Variants in CACNA1C observed in about 807,000 individuals in gnomAD.
CACNA1C encodes voltage-dependent L-type calcium channel subunit alpha-1C.
CACNA1C carries 30 observed loss-of-function variants against 229.0 expected under a neutral mutation model. That is an observed-to-expected ratio of 0.13 (90% CI 0.10 to 0.18). The LOEUF is 0.18. Ranked by LOEUF, CACNA1C falls within the 10% of genes least tolerant of loss-of-function variation. The probability of loss-of-function intolerance (pLI) is 1.00; values close to 1 mark genes in which losing one functional copy is unlikely to be tolerated. For synonymous variants in CACNA1C, 1,114 were observed against 1,132.5 expected (o/e 0.98, Z 0.33); for missense variants, 1,658 against 2,845.0 (o/e 0.58, Z 9.49).
intron 3 of CACNA1C, among the ~76,000 whole-genome samples, chr12:2,130,098 A>G (rs776653223): frequency 6.6e-6 from 1 of 151,862 alleles, no homozygotes; most frequent in Non-Finnish European, 1.5e-5. Context: ...ACTAATAATA[A>G]TAGCAGCAAT....
Position 2,355,893 on chromosome 12 carries a change from C to T in CACNA1C, c.478-93083C>T, listed in dbSNP as rs1188843877. ...CAGCAGTGCTGAGCTGAGAGATCTACAAGCCTCCGTGTCTGTTCAGCTCCT... is the reference window on the plus strand; with the variant it reads ...CAGCAGTGCTGAGCTGAGAGATCTATAAGCCTCCGTGTCTGTTCAGCTCCT... On this transcript the variant is annotated intron_variant, in intron 3 of 46. Coordinates refer to ENST00000399655, the MANE Select transcript of CACNA1C (RefSeq NM_000719.7). 2.0e-5 allele frequency among the ~76,000 whole-genome samples: 3 copies of T among 152,282 alleles called. No homozygotes were observed. The East Asian group carries it at 5.8e-4, about 29-fold the overall frequency.
chr12:2,659,226 A>G (rs1042769859), intron 34 of CACNA1C, among the ~76,000 whole-genome samples: 4 of 151,990 alleles, frequency 2.6e-5, no homozygotes, highest in Admixed American at 2.0e-4. Context: ...CTACAGGTGC[A>G]CCGTATTTAA....
chr12:2,063,070 C>A (rs1304128394), intron 1 of CACNA1C, among the ~76,000 whole-genome samples: 2 of 152,104 alleles, frequency 1.3e-5, no homozygotes, highest in African/African-American at 4.8e-5. Flanking sequence ...CTTTTCATTC[C>A]CCTCTCTCTC....
In CACNA1C at chr12:2,093,985, C is replaced by T. The variant is rs574586912; in HGVS notation, c.50-21239C>T. ...ATCCCATTTTCCCCAGTAACCTCCGCATGTGTGAAAACTGGGCAGCTGTCA... is the reference window on the plus strand; with the variant it reads ...ATCCCATTTTCCCCAGTAACCTCCGTATGTGTGAAAACTGGGCAGCTGTCA... On this transcript the variant is annotated intron_variant, in intron 1 of 46. Transcript: ENST00000399655. 2.6e-5 allele frequency among the ~76,000 whole-genome samples: 4 copies of T among 152,352 alleles called. No homozygotes were observed. The South Asian group carries it at 8.3e-4, about 32-fold the overall frequency.
At chr12:2,076,933 C>G (rs1025412105) in intron 1 of CACNA1C, among the ~76,000 whole-genome samples, 4 of 152,214 alleles carry the variant, frequency 2.6e-5, no homozygotes, top group African/African-American at 7.2e-5. Context: ...CCAGCCACCC[C>G]TGGAATCCAG....
intron 2 of CACNA1C, among the ~76,000 whole-genome samples, chr12:2,118,604 A>C (rs2085086925): frequency 6.6e-6 from 1 of 152,212 alleles, no homozygotes; most frequent in Non-Finnish European, 1.5e-5. Flanking sequence ...ACAAGCGTAC[A>C]TTCCACACAG....
chr12:2,166,793 T>G (rs772448079), intron 3 of CACNA1C, among the ~76,000 whole-genome samples: 1 of 152,196 alleles, frequency 6.6e-6, no homozygotes, highest in East Asian at 1.9e-4. Context: ...TTGGAACTGA[T>G]GCTAAGAAGG....
At position 2,653,168 on chromosome 12, in the gene CACNA1C, C is replaced by A. The variant is rs1412739168; in HGVS notation, c.4075-667C>A. 6.6e-6 allele frequency among the ~76,000 whole-genome samples: 1 copy of A among 152,232 alleles called. No homozygotes were observed. Among genetic ancestry groups the A allele is most frequent in the African/African-American group, 2.4e-5 (1 of 41,464 alleles). On this transcript the variant is annotated intron_variant, in intron 32 of 46. Transcript: ENST00000399655. The surrounding 1 kb of genome is among the most constrained non-coding windows in gnomAD (Gnocchi z 4.7). ...ATGGAGCGAATAGAGCGTATGGAAC[C>A]CAGCTCTGCAAGGCATTGCACTAAG...
At chr12:2,198,379 G>A (rs945830722) in intron 3 of CACNA1C, among the ~76,000 whole-genome samples, 9 of 152,142 alleles carry the variant, frequency 5.9e-5, no homozygotes, top group East Asian at 1.9e-4. Context: ...CTGTGGAACC[G>A]GAGGCCTCCC....
Position 2,256,815 on chromosome 12 carries a change from T to C in CACNA1C, c.477+136385T>C, listed in dbSNP as rs115474787. Reference sequence around the variant, plus strand: ...GGTGTAGTATAGGAATCTGTTTGATTAAAACACTCCACAGGTGATTCTGAT... The same window carrying C: ...GGTGTAGTATAGGAATCTGTTTGATCAAAACACTCCACAGGTGATTCTGAT... On this transcript the variant is annotated intron_variant, in intron 3 of 46. Coordinates refer to ENST00000399655, the MANE Select transcript of CACNA1C (RefSeq NM_000719.7). Among the ~76,000 whole-genome samples, 1,483 of 152,284 alleles carry C rather than the reference T, an allele frequency of 9.7e-3. 23 individuals carry two copies. The highest frequency in any genetic ancestry group is 0.034 in the African/African-American group (1,424 of 41,540).
chr12:2,045,025 A>C (rs925344250), intron 1 of CACNA1C, among the ~76,000 whole-genome samples: 2 of 152,232 alleles, frequency 1.3e-5, no homozygotes, highest in African/African-American at 2.4e-5. Context: ...CAGGGGTCAG[A>C]GAGAGAAGAC....
intron 1 of CACNA1C, chr12:2,010,843 A>T (rs2044273094): frequency 6.6e-6 from 1 of 152,134 alleles, no homozygotes; most frequent in South Asian, 2.1e-4. Context: ...AGGGAGAAAA[A>T]GATGTTAAGA....
At chr12:2,325,061 G>A (rs938132580) in intron 3 of CACNA1C, among the ~76,000 whole-genome samples, 3 of 152,160 alleles carry the variant, frequency 2.0e-5, no homozygotes, top group Non-Finnish European at 4.4e-5. Flanking sequence ...AGCTCTGCCT[G>A]GACCTGGGCT....
chr12:2,544,358 A>C (rs1371928366), intron 9 of CACNA1C, among the ~76,000 whole-genome samples: 1 of 152,204 alleles, frequency 6.6e-6, no homozygotes, highest in South Asian at 2.1e-4. Context: ...GAAATATAGA[A>C]AAACCTAAGA....
chr12:2,688,183 C>G (rs762401833), intron 45 of CACNA1C, among the ~76,000 whole-genome samples: 1 of 152,238 alleles, frequency 6.6e-6, no homozygotes. Context: ...CAGGTTACCA[C>G]GACTTCACCC....
At chr12:2,611,079 A>G (rs1276463200) in intron 28 of CACNA1C, among the ~76,000 whole-genome samples, 4 of 126,234 alleles carry the variant, frequency 3.2e-5, no homozygotes, top group South Asian at 2.9e-4. Flanking sequence ...AGCTGGATGC[A>G]TTCCTTGTTG....
intron 3 of CACNA1C, among the ~76,000 whole-genome samples, chr12:2,399,228 G>T (rs1256784124): frequency 6.6e-6 from 1 of 152,164 alleles, no homozygotes; most frequent in African/African-American, 2.4e-5. Flanking sequence ...GCCTCAGAGG[G>T]TGTGAGTTAC....
rs1481913457 is a variant in CACNA1C at position 2,182,130 on chromosome 12, G to C, written c.477+61700G>C. Reference sequence around the variant, plus strand: ...GGAGATTGTGTGTGAGTTTCTGTCTGCAAAAAAAAAAAAAAAAAAAAAAAA... The same window carrying C: ...GGAGATTGTGTGTGAGTTTCTGTCTCCAAAAAAAAAAAAAAAAAAAAAAAA... On this transcript the variant is annotated intron_variant, in intron 3 of 46. Transcript: ENST00000399655. Among the ~76,000 whole-genome samples, 3 of 59,128 alleles carry C rather than the reference G, an allele frequency of 5.1e-5. No individual in the cohort carries two copies. In the Admixed American group the frequency reaches 6.1e-4, roughly 12 times the overall value. 38.8% of individuals were successfully genotyped at this position (59,128 alleles called of 152,430 possible). A position where few individuals can be genotyped will look rare whatever the true frequency, so the allele number is the denominator to read the frequency against.
intron 3 of CACNA1C, among the ~76,000 whole-genome samples, chr12:2,310,643 C>T (rs2095386142): frequency 6.6e-6 from 1 of 152,084 alleles, no homozygotes; most frequent in African/African-American, 2.4e-5. Context: ...GGAGTTGTTT[C>T]TATTTAGTTG....
Sources: gnomAD v4.1 joint callset for allele counts (sites outside exome capture counted in the v4.1 genomes callset) on GRCh38, gnomAD v4.1.1 for gene constraint, Gnocchi (gnomAD v3.1) non-coding constraint, MANE v1.5 for transcripts, NCBI Gene and HGNC (gene_info 2026-07-23, HGNC 2026-07-21) for gene names.